KLHL24: variants seen among roughly 807,000 people sequenced by gnomAD.
KLHL24 encodes kelch like family member 24, also known as kelch-like protein 24.
In KLHL24, 29 loss-of-function variants were observed where a neutral mutation model predicts 53.4. That is an observed-to-expected ratio of 0.54 (90% CI 0.40 to 0.74). The LOEUF (loss-of-function observed/expected upper bound fraction) is 0.74. Among genes scored for constraint, KLHL24 ranks in the 30% least tolerant of loss-of-function variants. KLHL24 has a pLI of 0.00. For missense variants in KLHL24, 504 were observed against 744.0 expected (o/e 0.68, Z 3.75); for synonymous variants, 222 against 253.7 (o/e 0.88, Z 1.19).
intron 3 of KLHL24, among the ~76,000 whole-genome samples, chr3:183,658,044 C>T (rs141957026): frequency 0.029 from 4,421 of 152,074 alleles, 162 homozygotes; most frequent in East Asian, 0.16. Flanking sequence ...GAAACCCCGT[C>T]TCTACTAAAA....
chr3:183,651,107 C>T lies in KLHL24; in HGVS notation c.751C>T (p.Leu251Phe). ...TCTGAGAAGACCACTGTTACACGAG[C>T]TCCTGACACATGTGAGACTCCCTCT... is the stretch of plus-strand genomic sequence containing the variant. ...VDLRRPLLHE[L>F]LTHVRLPLLH... is the part of the protein sequence containing the mutation. The change falls in exon 3 of 8, where the codon CTC (leucine) becomes TTC (phenylalanine). Residue 251 changes from leucine to phenylalanine, a missense_variant. Coordinates refer to ENST00000242810, the MANE Select transcript of KLHL24 (RefSeq NM_017644.3). 6.2e-7 allele frequency: 1 copy of T among 1,614,154 alleles called. No homozygotes were observed. The highest frequency in any genetic ancestry group is 1.6e-4 in the Middle Eastern group (1 of 6,062).
In KLHL24 at chr3:183,660,073, A is replaced by G. The variant is rs550206953; in HGVS notation, c.921-3385A>G. On this transcript the variant is annotated intron_variant, in intron 3 of 7. Coordinates refer to ENST00000242810, the MANE Select transcript of KLHL24 (RefSeq NM_017644.3). ...GGAGAAGCAAAAAATGCTAATTAACAAATTAGCAAATTTTCAGCTCGAAGA... is the reference window on the plus strand; with the variant it reads ...GGAGAAGCAAAAAATGCTAATTAACGAATTAGCAAATTTTCAGCTCGAAGA... 4.6e-5 allele frequency among the ~76,000 whole-genome samples: 7 copies of G among 152,224 alleles called. No homozygotes were observed. The South Asian group carries it at 1.5e-3, about 32-fold the overall frequency.
intron 2 of KLHL24, among the ~76,000 whole-genome samples, chr3:183,644,955 A>G (rs1717017078): frequency 6.6e-6 from 1 of 152,222 alleles, no homozygotes; most frequent in African/African-American, 2.4e-5. Flanking sequence ...GAAGCTCACG[A>G]TTTCCATTGT....
Position 183,650,295 on chromosome 3 carries a change from G to T in KLHL24, c.-61-1G>T. Reference sequence around the variant, plus strand: ...AAATGTTTTCCTTTTTTTACTTTTAGCCACATAAAGAAGATCCCTAATAGT... The same window carrying T: ...AAATGTTTTCCTTTTTTTACTTTTATCCACATAAAGAAGATCCCTAATAGT... On this transcript the variant is annotated splice_acceptor_variant, in intron 2 of 7. Transcript: ENST00000242810. LOFTEE classifies it low-confidence loss of function (5UTR_SPLICE). The surrounding 1 kb of genome is among the most constrained non-coding windows in gnomAD (Gnocchi z 4.5). The T allele has an allele frequency of 1.2e-5, 16 of 1,314,318 alleles. No individual in the cohort carries two copies. Among genetic ancestry groups the T allele is most frequent in the South Asian group, 7.3e-5 (5 of 68,060 alleles). The allele number at this position is 1,314,318 out of a possible 1,614,324, so 81.4% of individuals were successfully genotyped here.
In KLHL24 at chr3:183,664,968, A is replaced by G. The variant is rs1377256792; in HGVS notation, c.1153A>G (p.Asn385Asp). ...TGTCTGGATTTATAACTCACAGTTAAATATTTGGATCAGAGTTGCCTCTCT... is the reference window on the plus strand; with the variant it reads ...TGTCTGGATTTATAACTCACAGTTAGATATTTGGATCAGAGTTGCCTCTCT... ...RDVWIYNSQLNIWIRVASLNK... is the reference protein window; with the variant it reads ...RDVWIYNSQLDIWIRVASLNK... The change falls in exon 5 of 8, where the codon AAT becomes GAT. Residue 385 changes from asparagine to aspartate, a missense_variant. Physicochemically the swap from Asn to Asp is conservative, Grantham distance 23 (BLOSUM62 1). Coordinates refer to ENST00000242810, the MANE Select transcript of KLHL24 (RefSeq NM_017644.3). 6.2e-7 allele frequency: 1 copy of G among 1,612,926 alleles called. No individual in the cohort carries two copies. The highest frequency in any genetic ancestry group is 8.5e-7 in the Non-Finnish European group (1 of 1,179,142).
At chr3:183,639,753 C>T (rs956942306) in intron 1 of KLHL24, among the ~76,000 whole-genome samples, 5 of 151,984 alleles carry the variant, frequency 3.3e-5, no homozygotes, top group Non-Finnish European at 7.4e-5. Context: ...CGCTTGTAAT[C>T]CCAGCACTTT....
intron 7 of KLHL24, among the ~76,000 whole-genome samples, chr3:183,673,242 T>C (rs1324475022): frequency 6.6e-6 from 1 of 152,132 alleles, no homozygotes; most frequent in Admixed American, 6.5e-5. Flanking sequence ...AAATATTTCA[T>C]GTTTGCTTGA....
intron 7 of KLHL24, among the ~76,000 whole-genome samples, chr3:183,675,650 A>C (rs906583140): frequency 6.6e-6 from 1 of 152,090 alleles, no homozygotes; most frequent in Admixed American, 6.6e-5. Flanking sequence ...ATTACTGCTC[A>C]AGCTGGGTGC....
chr3:183,677,105 G>T (rs1219197926), intron 7 of KLHL24, among the ~76,000 whole-genome samples: 1 of 151,676 alleles, frequency 6.6e-6, no homozygotes, highest in Non-Finnish European at 1.5e-5. Flanking sequence ...CTATTATATC[G>T]GATAGAGGTA....
intron 2 of KLHL24, among the ~76,000 whole-genome samples, chr3:183,649,560 C>T (rs1363801240): frequency 6.6e-6 from 1 of 151,022 alleles, no homozygotes; most frequent in Non-Finnish European, 1.5e-5. Context: ...AAACAATGTA[C>T]ATATTTTTAA....
intron 2 of KLHL24, among the ~76,000 whole-genome samples, chr3:183,649,952 A>G (rs1717894978): frequency 6.6e-6 from 1 of 152,200 alleles, no homozygotes; most frequent in Non-Finnish European, 1.5e-5. Flanking sequence ...ACTGTAGTCA[A>G]ATTGTGTCTT....
chr3:183,650,471 T>C lies in KLHL24; in HGVS notation c.115T>C (p.Phe39Leu). The C allele has an allele frequency of 5.0e-6, 8 of 1,613,928 alleles. No homozygotes were observed. The highest frequency in any genetic ancestry group is 6.8e-6 in the Non-Finnish European group (8 of 1,179,972). ...MDPKSLTGHE[F>L]FDFSSGSSHA... is the part of the protein sequence containing the mutation. The stretch of plus-strand genomic sequence containing the variant: ...CCCCAAATCTCTGACAGGTCATGAG[T>C]TTTTTGACTTCTCTTCAGGATCATC... Residue 39 changes from phenylalanine (F) to leucine (L), a missense_variant, in exon 3 of 8, where the codon TTT becomes CTT. Coordinates refer to ENST00000242810, the MANE Select transcript of KLHL24 (RefSeq NM_017644.3). The surrounding 1 kb of genome is among the most constrained non-coding windows in gnomAD (Gnocchi z 4.5).
chr3:183,672,535 T>C (rs1721468526), intron 7 of KLHL24, 51 bp downstream of exon 7: 2 of 1,265,576 alleles, frequency 1.6e-6, no homozygotes, highest in African/African-American at 3.0e-5. Flanking sequence ...AGGGACCAAG[T>C]ACATAATCAT....
At chr3:183,675,308 A>G (rs2108891999) in intron 7 of KLHL24, among the ~76,000 whole-genome samples, 1 of 152,330 alleles carries the variant, frequency 6.6e-6, no homozygotes, top group South Asian at 2.1e-4. Flanking sequence ...ACATTGAGGT[A>G]TAGTCTCCAA....
intron 5 of KLHL24, among the ~76,000 whole-genome samples, chr3:183,666,259 ATT>A (rs59275668): frequency 1.3e-5 from 2 of 150,058 alleles, no homozygotes; most frequent in South Asian, 2.1e-4. Flanking sequence ...GATTTTGGAT[ATT>A]TTTTTTTTCT....
chr3:183,672,579 T>C, intron 7 of KLHL24, 95 bp downstream of exon 7: 1 of 965,440 alleles, frequency 1.0e-6, no homozygotes, highest in Non-Finnish European at 1.4e-6. Flanking sequence ...TTTAAAATAT[T>C]TCAGGCTGGG....
chr3:183,673,191 G>A (rs954709890), intron 7 of KLHL24, among the ~76,000 whole-genome samples: 1 of 152,074 alleles, frequency 6.6e-6, no homozygotes, highest in Non-Finnish European at 1.5e-5. Context: ...GGGCAACAGA[G>A]TGAGACTCCG....
chr3:183,675,041 A>G (rs1157252148), intron 7 of KLHL24, among the ~76,000 whole-genome samples: 2 of 152,136 alleles, frequency 1.3e-5, no homozygotes, highest in African/African-American at 4.8e-5. Context: ...ATATTCCCTT[A>G]TGGGTATAAA....
chr3:183,651,330 ACCT>A, intron 3 of KLHL24, 54 bp downstream of exon 3: 1 of 1,288,884 alleles, frequency 7.8e-7, no homozygotes, highest in East Asian at 2.4e-5. Context: ...ATATCTTTAA[ACCT>A]CCTGAATGCA....
Sources: allele counts gnomAD v4.1 joint callset (sites outside exome capture counted in the v4.1 genomes callset), GRCh38; gene constraint gnomAD v4.1.1; non-coding constraint Gnocchi (gnomAD v3.1); transcripts MANE v1.5; gene names NCBI Gene and HGNC (gene_info 2026-07-23, HGNC 2026-07-21).